PAPPA2: variants seen among roughly 807,000 people sequenced by gnomAD.
PAPPA2 encodes the protein pappalysin 2.
PAPPA2 carries 86 observed loss-of-function variants against 176.4 expected under a neutral mutation model. The observed-to-expected ratio is 0.49, with a 90% confidence interval of 0.41 to 0.58. The LOEUF (loss-of-function observed/expected upper bound fraction) is 0.58, where lower values mean the gene tolerates loss of function less well. Ranked by LOEUF, PAPPA2 falls within the 20% of genes least tolerant of loss-of-function variation. PAPPA2 has a pLI of 0.00. For missense variants in PAPPA2, 2,073 were observed against 2,256.9 expected, an observed-to-expected ratio of 0.92 and a Z score of 1.65; for synonymous variants, 809 against 852.2, an observed-to-expected ratio of 0.95 and a Z score of 0.88.
intron 1 of PAPPA2, among the ~76,000 whole-genome samples, chr1:176,479,797 T>TGCAGG (rs532449511): frequency 1.3e-5 from 2 of 152,234 alleles, no homozygotes; most frequent in South Asian, 4.1e-4. Flanking sequence ...CTCCAAGCAC[T>TGCAGG]GCAGTCAGGA....
At chr1:176,538,788 G>T (rs1386009296) in intron 1 of PAPPA2, among the ~76,000 whole-genome samples, 1 of 152,080 alleles carries the variant, frequency 6.6e-6, no homozygotes, top group East Asian at 1.9e-4. Context: ...AAACCCTACT[G>T]CCAGCTCTTC....
At chr1:176,600,128 A>G (rs1271523530) in intron 3 of PAPPA2, among the ~76,000 whole-genome samples, 2 of 152,236 alleles carry the variant, frequency 1.3e-5, no homozygotes, top group African/African-American at 2.4e-5. Context: ...CGTAAAGACT[A>G]TGGAAAGGAT....
intron 3 of PAPPA2, among the ~76,000 whole-genome samples, chr1:176,596,201 A>G (rs1443052254): frequency 6.6e-6 from 1 of 152,162 alleles, no homozygotes; most frequent in Non-Finnish European, 1.5e-5. Context: ...TAAAAAGGTA[A>G]GTTGGATCCT....
intron 2 of PAPPA2, among the ~76,000 whole-genome samples, chr1:176,574,573 T>C (rs895968402): frequency 6.6e-6 from 1 of 152,094 alleles, no homozygotes; most frequent in Non-Finnish European, 1.5e-5. Context: ...CTTAGAGAGT[T>C]TGGGAAGTTG....
At chr1:176,714,401 A>C (rs2102839257) in intron 12 of PAPPA2, among the ~76,000 whole-genome samples, 1 of 152,050 alleles carries the variant, frequency 6.6e-6, no homozygotes, top group Non-Finnish European at 1.5e-5. Context: ...ACTTAGCCTT[A>C]CTGGGAGAAA....
At chr1:176,808,936 G>GT (rs1666025457) in intron 21 of PAPPA2, among the ~76,000 whole-genome samples, 1 of 152,148 alleles carries the variant, frequency 6.6e-6, no homozygotes, top group African/African-American at 2.4e-5. Context: ...CCATCCCCCA[G>GT]TGAGAACAGA....
chr1:176,718,228 A>G (rs915632693), intron 12 of PAPPA2, among the ~76,000 whole-genome samples: 1 of 152,128 alleles, frequency 6.6e-6, no homozygotes, highest in African/African-American at 2.4e-5. Context: ...TAAGTTTTTC[A>G]TAATATTCTG....
At chr1:176,831,804 G>C (rs778305992) in intron 21 of PAPPA2, among the ~76,000 whole-genome samples, 5 of 152,270 alleles carry the variant, frequency 3.3e-5, no homozygotes, top group African/African-American at 4.8e-5. Flanking sequence ...GATGGTTTGG[G>C]GTTTTTTTCA....
intron 4 of PAPPA2, among the ~76,000 whole-genome samples, chr1:176,673,655 T>C (rs1044139010): frequency 1.3e-5 from 2 of 152,292 alleles, no homozygotes; most frequent in South Asian, 2.1e-4. Context: ...TTTCTAACTT[T>C]ATTAGAATTG....
In PAPPA2 at chr1:176,691,101, C is replaced by G; in HGVS notation, c.2431+671C>G. ...AATTCAGCTTCTGTATTATTCTTCG[C>G]TGTCTCTCACGCCTTCCTTGTTTCT... On this transcript the variant is annotated intron_variant, in intron 5 of 22. Coordinates refer to ENST00000367662, the MANE Select transcript of PAPPA2 (RefSeq NM_020318.3). 3 of 985,290 alleles carry G rather than the reference C, an allele frequency of 3.0e-6. No homozygotes were observed. In the South Asian group the frequency reaches 1.4e-4, roughly 46 times the overall value. The allele number at this position is 985,290 out of a possible 1,614,324, so 61.0% of individuals were successfully genotyped here.
At chr1:176,559,708 A>G (rs965074606) in intron 2 of PAPPA2, among the ~76,000 whole-genome samples, 1 of 152,202 alleles carries the variant, frequency 6.6e-6, no homozygotes, top group Admixed American at 6.5e-5. Flanking sequence ...GCAGAATGAC[A>G]ATAGAATCAT....
chr1:176,751,456 A>G (rs1663170520), intron 14 of PAPPA2, among the ~76,000 whole-genome samples: 2 of 123,030 alleles, frequency 1.6e-5, no homozygotes, highest in African/African-American at 6.4e-5. Context: ...ACAAAGGGCT[A>G]ATATCCAGAA....
chr1:176,616,747 T>C, intron 3 of PAPPA2: 1 of 1,265,430 alleles, frequency 7.9e-7, no homozygotes, highest in Non-Finnish European at 1.1e-6. Flanking sequence ...CTCATGTTCT[T>C]GTATGTGACT....
intron 20 of PAPPA2, among the ~76,000 whole-genome samples, chr1:176,798,782 A>T (rs570150533): frequency 6.6e-6 from 1 of 152,304 alleles, no homozygotes; most frequent in Admixed American, 6.5e-5. Context: ...CCTTTTTAAT[A>T]CAATAATGAC....
intron 14 of PAPPA2, among the ~76,000 whole-genome samples, chr1:176,758,788 A>G (rs981133616): frequency 5.3e-5 from 8 of 152,218 alleles, no homozygotes; most frequent in African/African-American, 1.7e-4. Context: ...AAAGATTATG[A>G]GAAACTCTTT....
intron 8 of PAPPA2, among the ~76,000 whole-genome samples, chr1:176,701,661 T>G (rs1660656097): frequency 6.6e-6 from 1 of 151,976 alleles, no homozygotes; most frequent in Non-Finnish European, 1.5e-5. Context: ...TGTGGGTGAG[T>G]TGAAAAGTCT....
chr1:176,799,480 T>A (rs1328088702), intron 20 of PAPPA2, among the ~76,000 whole-genome samples: 1 of 152,162 alleles, frequency 6.6e-6, no homozygotes, highest in Non-Finnish European at 1.5e-5. Flanking sequence ...CCTGCATATG[T>A]GTACTGTCTG....
intron 17 of PAPPA2, among the ~76,000 whole-genome samples, chr1:176,784,876 G>A (rs539552976): frequency 1.6e-4 from 25 of 152,058 alleles, no homozygotes; most frequent in Admixed American, 1.1e-3. Flanking sequence ...ATGAGCCACC[G>A]CGCCCGGCCA....
chr1:176,816,906 T>C (rs1666428058), intron 21 of PAPPA2, among the ~76,000 whole-genome samples: 1 of 152,176 alleles, frequency 6.6e-6, no homozygotes. Flanking sequence ...CAAAGATCTC[T>C]TCAAGGTGGT....
Sources: allele counts gnomAD v4.1 joint callset (sites outside exome capture counted in the v4.1 genomes callset), GRCh38; gene constraint gnomAD v4.1.1; transcripts MANE v1.5; gene names NCBI Gene and HGNC (gene_info 2026-07-23, HGNC 2026-07-21).